Variants in PDE3B observed in about 807,000 individuals in gnomAD.
The protein encoded by PDE3B is cGMP-inhibited 3',5'-cyclic phosphodiesterase 3B.
Under a neutral mutation model 116.8 loss-of-function variants are expected in PDE3B, and 66 were observed. That is an observed-to-expected ratio of 0.56 (90% CI 0.46 to 0.69). PDE3B has a LOEUF of 0.69. PDE3B is among the 30% of genes least tolerant of loss of function. PDE3B has a pLI of 0.00. For synonymous variants in PDE3B, 595 were observed against 533.6 expected, an observed-to-expected ratio of 1.12 and a Z score of -1.59; for missense variants, 1,384 against 1,368.1, an observed-to-expected ratio of 1.01 and a Z score of -0.18.
At position 14,666,754 on chromosome 11, in the gene PDE3B, G is replaced by A. The variant is rs1217845715; in HGVS notation, c.978+21701G>A. 1.4e-4 allele frequency among the ~76,000 whole-genome samples: 22 copies of A among 152,194 alleles called. No individual in the cohort carries two copies. The South Asian group carries it at 3.5e-3, about 24-fold the overall frequency. On this transcript the variant is annotated intron_variant, in intron 1 of 15. Coordinates refer to ENST00000282096, the MANE Select transcript of PDE3B (RefSeq NM_000922.4). ...ATGAGATACCATCTCACACCAGTTA[G>A]AATGACAATCATTAAAAAGTCAGGA...
At chr11:14,778,480 G>A (rs1857863159) in intron 2 of PDE3B, among the ~76,000 whole-genome samples, 1 of 152,166 alleles carries the variant, frequency 6.6e-6, no homozygotes, top group African/African-American at 2.4e-5. Flanking sequence ...CCAGAGGAAC[G>A]ATCAGGCAGC....
chr11:14,817,131 T>C (rs1010294142), intron 5 of PDE3B, among the ~76,000 whole-genome samples: 24 of 152,170 alleles, frequency 1.6e-4, no homozygotes, highest in Non-Finnish European at 3.2e-4. Flanking sequence ...GTTCATGTCC[T>C]TTGCAGGGAC....
At chr11:14,862,305 A>G (rs1847966277) in intron 14 of PDE3B, among the ~76,000 whole-genome samples, 2 of 152,192 alleles carry the variant, frequency 1.3e-5, no homozygotes, top group South Asian at 4.1e-4. Context: ...TAACAAGTCT[A>G]GACTACATTA....
chr11:14,770,881 CTG>C (rs769468054), intron 1 of PDE3B, among the ~76,000 whole-genome samples: 62 of 151,754 alleles, frequency 4.1e-4, no homozygotes, highest in Non-Finnish European at 7.1e-4. Flanking sequence ...AGTCAGCAAA[CTG>C]TAGTCCACTG....
At chr11:14,807,497 G>T (rs1456875625) in intron 5 of PDE3B, among the ~76,000 whole-genome samples, 3 of 151,680 alleles carry the variant, frequency 2.0e-5, no homozygotes, top group African/African-American at 7.3e-5. Flanking sequence ...AGTAGAAAAA[G>T]ATATAACTAA....
At chr11:14,859,287 T>C (rs782238618) in intron 13 of PDE3B, 41 bp downstream of exon 13, 2 of 1,380,144 alleles carry the variant, frequency 1.4e-6, no homozygotes, top group Non-Finnish European at 2.0e-6. Context: ...AAAATCTTTA[T>C]TGTCAGTGTT....
In PDE3B at chr11:14,830,740, T is replaced by C. The variant is rs1290821678; in HGVS notation, c.1850T>C (p.Met617Thr). 8.7e-6 allele frequency: 13 copies of C among 1,497,116 alleles called. No homozygotes were observed. Among genetic ancestry groups the C allele is most frequent in the African/African-American group, 2.9e-5 (2 of 68,900 alleles). 92.7% of individuals were successfully genotyped at this position (1,497,116 alleles called of 1,614,324 possible). Residue 617 changes from methionine (M) to threonine (T), a missense_variant, in exon 8 of 16, where the codon ATG becomes ACG. By Grantham distance (81) the Met-to-Thr change is moderately conservative. Around this residue, in one of 2 missense-constraint regions of PDE3B, gnomAD observed 956 missense variants for 806.8 expected, o/e 1.18. Coordinates refer to ENST00000282096, the MANE Select transcript of PDE3B (RefSeq NM_000922.4). ...TTCTCGAAAGAATCATTCAAACTTA[T>C]GGAAACTCAACAAGAAGAGGAAACA... ...NIFSKESFKLMETQQEEETEK... is the reference protein window; with the variant it reads ...NIFSKESFKLTETQQEEETEK...
chr11:14,687,415 G>C (rs1854908874), intron 1 of PDE3B, among the ~76,000 whole-genome samples: 1 of 152,114 alleles, frequency 6.6e-6, no homozygotes, highest in Non-Finnish European at 1.5e-5. Context: ...ATTATTAAAA[G>C]CTGAGAAATA....
At chr11:14,765,348 C>A (rs1857469785) in intron 1 of PDE3B, among the ~76,000 whole-genome samples, 1 of 151,834 alleles carries the variant, frequency 6.6e-6, no homozygotes, top group Non-Finnish European at 1.5e-5. Context: ...GTAATTGAAC[C>A]TGATAACATC....
intron 1 of PDE3B, among the ~76,000 whole-genome samples, chr11:14,754,599 C>T (rs10430883): frequency 0.15 from 23,225 of 152,036 alleles, 2,769 homozygotes; most frequent in African/African-American, 0.34. Flanking sequence ...TATATGACAA[C>T]GTTTTGTTAA....
chr11:14,744,890 G>T (rs540020259), intron 1 of PDE3B, among the ~76,000 whole-genome samples: 6 of 152,092 alleles, frequency 3.9e-5, no homozygotes, highest in Non-Finnish European at 7.4e-5. Context: ...AAAGCCCAGG[G>T]GATAGGGTTA....
the PDE3B span, chr11:14,887,304 A>G: frequency 6.6e-6 from 1 of 152,250 alleles, no homozygotes; most frequent in African/African-American, 2.4e-5. Context: ...CAGGGATCAT[A>G]AAAAGCAAGG....
intron 7 of PDE3B, among the ~76,000 whole-genome samples, chr11:14,822,031 T>C (rs1050826648): frequency 2.0e-5 from 3 of 151,988 alleles, no homozygotes; most frequent in Non-Finnish European, 2.9e-5. Context: ...CTCAGTCTTC[T>C]GAGTAGTTGG....
chr11:14,686,748 G>C (rs369099176), intron 1 of PDE3B, among the ~76,000 whole-genome samples: 2 of 151,984 alleles, frequency 1.3e-5, no homozygotes, highest in Admixed American at 1.3e-4. Flanking sequence ...GAGTCTCGCT[G>C]TGTCGCCCAA....
intron 1 of PDE3B, among the ~76,000 whole-genome samples, chr11:14,668,534 T>A (rs61883635): frequency 2.3e-4 from 35 of 152,250 alleles, no homozygotes; most frequent in Admixed American, 8.5e-4. Flanking sequence ...TGCAAAGCCA[T>A]CAGATGTTTG....
intron 1 of PDE3B, among the ~76,000 whole-genome samples, chr11:14,689,706 A>G (rs1433332739): frequency 6.6e-6 from 1 of 152,224 alleles, no homozygotes; most frequent in Non-Finnish European, 1.5e-5. Flanking sequence ...GAGTCAGTGA[A>G]GAAAAGAGGT....
intron 14 of PDE3B, among the ~76,000 whole-genome samples, chr11:14,865,090 C>T (rs887188963): frequency 2.6e-5 from 4 of 151,948 alleles, no homozygotes; most frequent in Non-Finnish European, 5.9e-5. Flanking sequence ...AGACCACTAG[C>T]TAGACTAATA....
chr11:14,673,717 C>T (rs181768016), intron 1 of PDE3B: 2 of 758,082 alleles, frequency 2.6e-6, no homozygotes, highest in African/African-American at 1.7e-5. Flanking sequence ...CTCTTCTCAT[C>T]CAGAGGTGTA....
chr11:14,863,826 A>G (rs1230898793), intron 14 of PDE3B, among the ~76,000 whole-genome samples: 3 of 152,210 alleles, frequency 2.0e-5, no homozygotes, highest in Non-Finnish European at 4.4e-5. Flanking sequence ...GAAAGGAAAA[A>G]CCGATAACAG....
Sources: allele counts gnomAD v4.1 joint callset (sites outside exome capture counted in the v4.1 genomes callset), GRCh38; gene constraint gnomAD v4.1.1; regional missense constraint gnomAD v4.1.1; transcripts MANE v1.5; gene names NCBI Gene and HGNC (gene_info 2026-07-23, HGNC 2026-07-21).